Variants in METTL15 observed in about 807,000 individuals in gnomAD.
METTL15 encodes the protein 12S rRNA N(4)-cytidine methyltransferase METTL15.
Under a neutral mutation model 38.3 loss-of-function variants are expected in METTL15, and 34 were observed. The observed-to-expected ratio is 0.89, with a 90% CI of 0.68 to 1.18. METTL15 has a LOEUF of 1.18. Ranked by LOEUF, METTL15 falls within the 50% of genes most tolerant of loss-of-function variation. The probability of loss-of-function intolerance (pLI) is 0.00; values close to 1 mark genes in which losing one functional copy is unlikely to be tolerated. For missense variants in METTL15, 438 were observed against 498.4 expected (o/e 0.88, Z 1.15); for synonymous variants, 162 against 170.9 (o/e 0.95, Z 0.41).
intron 4 of METTL15, among the ~76,000 whole-genome samples, chr11:28,273,001 G>A (rs1001957566): frequency 2.6e-5 from 4 of 152,134 alleles, no homozygotes; most frequent in East Asian, 1.9e-4. Flanking sequence ...CTAAGCCAAC[G>A]TTTCTATAAT....
At position 28,249,842 on chromosome 11, in the gene METTL15, A is replaced by G. The variant is rs532370181; in HGVS notation, c.407+38644A>G. Among the ~76,000 whole-genome samples the G allele has an allele frequency of 5.9e-5, 9 of 152,032 alleles. No individual in the cohort carries two copies. The East Asian group carries it at 1.4e-3, about 23-fold the overall frequency. On this transcript the variant is annotated intron_variant, in intron 4 of 6. Transcript: ENST00000407364. ...TCATCCCCCAGGTAATAAGCACAAT[A>G]CCTGATAGGTAGTTTTTCTATCCAC...
At chr11:28,132,289 T>A (rs1849364330) in intron 3 of METTL15, among the ~76,000 whole-genome samples, 1 of 152,162 alleles carries the variant, frequency 6.6e-6, no homozygotes, top group African/African-American at 2.4e-5. Flanking sequence ...CTTGACTGAT[T>A]TAAATGGTAA....
At chr11:28,450,717 T>C (rs1851113497) in intron 6 of METTL15, among the ~76,000 whole-genome samples, 1 of 152,232 alleles carries the variant, frequency 6.6e-6, no homozygotes. Flanking sequence ...AAGCCATAAG[T>C]TGTGTGGATA....
At chr11:28,463,740 A>ACTAC (rs1400905490) in intron 6 of METTL15, among the ~76,000 whole-genome samples, 2 of 151,810 alleles carry the variant, frequency 1.3e-5, no homozygotes. Flanking sequence ...TTATGCAAAG[A>ACTAC]CTACCTCTGG....
Position 28,526,238 on chromosome 11 carries a change from C to A in METTL15, c.*425-240C>A, listed in dbSNP as rs980252151. ...AGCCCAGAGAGGGGTCCCCACAGTG[C>A]AGTGGTGGGCTGAAGGGCTCCCCGA... On this transcript the variant is annotated intron_variant and NMD_transcript_variant, in intron 6 of 7. Coordinates refer to the METTL15 transcript ENST00000532947. Among the ~76,000 whole-genome samples, 3 of 152,324 alleles carry A rather than the reference C, an allele frequency of 2.0e-5. No homozygotes were observed. The East Asian group carries it at 5.8e-4, about 29-fold the overall frequency.
chr11:28,288,365 T>C (rs1856372285), intron 4 of METTL15, among the ~76,000 whole-genome samples: 1 of 152,124 alleles, frequency 6.6e-6, no homozygotes, highest in Non-Finnish European at 1.5e-5. Flanking sequence ...CATGTGCACA[T>C]ATGTTCATTG....
At chr11:28,531,758 C>T (rs1389235039), downstream of METTL15, among the ~76,000 whole-genome samples, 1 of 151,980 alleles carries the variant, frequency 6.6e-6, no homozygotes, top group African/African-American at 2.4e-5. Context: ...CGCTTAGCTT[C>T]CTTCCAGTAT....
At chr11:28,371,054 T>G (rs1841353783) in intron 5 of METTL15, among the ~76,000 whole-genome samples, 1 of 152,152 alleles carries the variant, frequency 6.6e-6, no homozygotes, top group Non-Finnish European at 1.5e-5. Context: ...GCTTTTAACC[T>G]GATGTAATCC....
chr11:28,412,444 C>G (rs896625859), intron 5 of METTL15, among the ~76,000 whole-genome samples: 1 of 146,492 alleles, frequency 6.8e-6, no homozygotes, highest in Non-Finnish European at 1.5e-5. Flanking sequence ...AGAGACCAAA[C>G]GAGAGAGAGA....
At chr11:28,234,840 T>A (rs1205448386) in intron 4 of METTL15, among the ~76,000 whole-genome samples, 1 of 147,696 alleles carries the variant, frequency 6.8e-6, no homozygotes, top group Non-Finnish European at 1.5e-5. Context: ...TTGGCTTTTG[T>A]TGCCATTGCT....
At chr11:28,261,260 T>A (rs1478053383) in intron 4 of METTL15, 2 of 152,134 alleles carry the variant, frequency 1.3e-5, no homozygotes, top group Admixed American at 1.3e-4. Flanking sequence ...CAAAACACAA[T>A]TACATTAGAA....
At chr11:28,391,929 CA>C (rs1224808054) in intron 5 of METTL15, among the ~76,000 whole-genome samples, 7 of 152,032 alleles carry the variant, frequency 4.6e-5, no homozygotes, top group African/African-American at 1.7e-4. Context: ...TCTAAAATAC[CA>C]AAAGCATGGC....
intron 3 of METTL15, among the ~76,000 whole-genome samples, chr11:28,131,451 A>T (rs2133633493): frequency 6.8e-6 from 1 of 148,030 alleles, no homozygotes; most frequent in South Asian, 2.1e-4. Context: ...ATTTCAGCAT[A>T]CTTTCTAACT....
intron 4 of METTL15, among the ~76,000 whole-genome samples, chr11:28,216,644 G>A (rs1350947777): frequency 6.6e-6 from 1 of 151,754 alleles, no homozygotes; most frequent in African/African-American, 2.4e-5. Context: ...CATGTGCCAT[G>A]TTGCTGTGCT....
At chr11:28,311,669 TC>T (rs1857308537) in intron 6 of METTL15, among the ~76,000 whole-genome samples, 1 of 152,254 alleles carries the variant, frequency 6.6e-6, no homozygotes, top group African/African-American at 2.4e-5. Context: ...CTTCTCTGAA[TC>T]TATTTCTTCA....
intron 6 of METTL15, among the ~76,000 whole-genome samples, chr11:28,328,684 T>G (rs1849717902): frequency 6.6e-6 from 1 of 152,086 alleles, no homozygotes; most frequent in African/African-American, 2.4e-5. Flanking sequence ...TGTATGCCAG[T>G]GGTTATAAGC....
intron 3 of METTL15, among the ~76,000 whole-genome samples, chr11:28,157,718 G>T (rs369182535): frequency 6.6e-6 from 1 of 152,076 alleles, no homozygotes; most frequent in African/African-American, 2.4e-5. Context: ...GCTCGAGCAG[G>T]TCCTGAAGGC....
chr11:28,462,393 A>G (rs1851223419), intron 6 of METTL15, among the ~76,000 whole-genome samples: 1 of 151,848 alleles, frequency 6.6e-6, no homozygotes, highest in Admixed American at 6.6e-5. Context: ...TGTATCAGTT[A>G]GAATTCTCTG....
chr11:28,421,915 G>T (rs928941156), intron 5 of METTL15, among the ~76,000 whole-genome samples: 2 of 151,932 alleles, frequency 1.3e-5, no homozygotes, highest in African/African-American at 4.8e-5. Flanking sequence ...TTATGCTAAT[G>T]ATATGATCTT....
Sources: gnomAD v4.1 joint callset for allele counts (sites outside exome capture counted in the v4.1 genomes callset) on GRCh38, gnomAD v4.1.1 for gene constraint, MANE v1.5 for transcripts, NCBI Gene and HGNC (gene_info 2026-07-23, HGNC 2026-07-21) for gene names.